The following GPR108 variants were observed in gnomAD, a reference collection of about 807,000 sequenced individuals.
GPR108 encodes the protein G protein-coupled receptor 108.
Under a neutral mutation model 74.3 loss-of-function variants are expected in GPR108, and 60 were observed. The ratio of observed to expected loss-of-function variants is 0.81; its 90% confidence interval spans 0.66 to 1.00. GPR108 has a LOEUF of 1.00. GPR108 is among the 50% of genes least tolerant of loss of function. GPR108 has a pLI of 0.00. For synonymous variants in GPR108, 311 were observed against 292.4 expected, an observed-to-expected ratio of 1.06 and a Z score of -0.65; for missense variants, 667 against 703.3, an observed-to-expected ratio of 0.95 and a Z score of 0.58.
rs1274606699 is a variant in GPR108, at chr19:6,731,620, G to C, written c.1301-98C>G. 3.8e-6 allele frequency: 4 copies of C among 1,056,536 alleles called. No homozygotes were observed. In the African/African-American group the frequency reaches 4.8e-5, roughly 13 times the overall value. The allele number at this position is 1,056,536 out of a possible 1,614,324, so 65.4% of individuals were successfully genotyped here. ...GAGAGGTGACAAACAGAACATCTGAGGGAGTGTCCAGGAGCAGCAAGTCTC... is the reference window on the plus strand; with the variant it reads ...GAGAGGTGACAAACAGAACATCTGACGGAGTGTCCAGGAGCAGCAAGTCTC... On this transcript the variant is annotated intron_variant, in intron 14 of 17. Transcript: ENST00000264080.
intron 4 of GPR108, 102 bp downstream of exon 4, chr19:6,735,516 TTCTC>T: frequency 1.0e-6 from 1 of 963,008 alleles, no homozygotes; most frequent in Middle Eastern, 2.2e-4. Flanking sequence ...GTAAGTGGCT[TTCTC>T]TCTCTGCTTC....
intron 7 of GPR108, 38 bp downstream of exon 7, chr19:6,733,807 G>T: frequency 6.2e-7 from 1 of 1,610,272 alleles, no homozygotes. Context: ...CCCGTGCTCT[G>T]GGGTGACGGA....
chr19:6,737,108 C>G (rs1022752661), intron 1 of GPR108: 2 of 383,898 alleles, frequency 5.2e-6, no homozygotes, highest in Non-Finnish European at 9.5e-6. Context: ...CACTCTATAG[C>G]CCCCCAGGAC....
Position 6,734,364 on chromosome 19 carries a change from C to T in GPR108, c.375-57G>A, listed in dbSNP as rs1000322717. On this transcript the variant is annotated intron_variant, in intron 4 of 17. Coordinates refer to ENST00000264080, the MANE Select transcript of GPR108 (RefSeq NM_001080452.2). Reference sequence around the variant, plus strand: ...GGGGGGCTGAACTTGGCTCAGGCACCGGCAAAGGACTCAGTGGCCCCTTGG... The same window carrying T: ...GGGGGGCTGAACTTGGCTCAGGCACTGGCAAAGGACTCAGTGGCCCCTTGG... 136 of 1,569,796 alleles carry T rather than the reference C, an allele frequency of 8.7e-5. 1 individual carries two copies. The highest frequency in any genetic ancestry group is 3.4e-4 in the Admixed American group (20 of 57,978).
intron 15 of GPR108, 51 bp from the exon 16 acceptor site, chr19:6,731,333 G>C (rs76081339): frequency 6.6e-7 from 1 of 1,514,526 alleles, no homozygotes; most frequent in Non-Finnish European, 8.9e-7. Context: ...GCACGGGCAG[G>C]CATGGGGCTA....
Position 6,731,782 on chromosome 19 carries a change from G to A in GPR108, c.1300+109C>T, listed in dbSNP as rs116648709. On this transcript the variant is annotated intron_variant, in intron 14 of 17. Coordinates refer to ENST00000264080, the MANE Select transcript of GPR108 (RefSeq NM_001080452.2). ...AGACTGGGGCATCCAGGGAGGCAGA[G>A]GCCTGGGGGCTGGGCAGAGAGGCCA... 2,346 of 1,295,622 alleles carry A rather than the reference G, an allele frequency of 1.8e-3. 26 individuals carry two copies. The African/African-American group carries it at 0.03, about 16-fold the overall frequency. 80.3% of individuals were successfully genotyped at this position (1,295,622 alleles called of 1,614,324 possible).
intron 4 of GPR108, 142 bp downstream of exon 4, chr19:6,735,480 A>C (rs1192126004): frequency 1.4e-6 from 1 of 706,696 alleles, no homozygotes. Context: ...TCCAACAATC[A>C]GAAGACTTGA....
At chr19:6,732,934 C>T in intron 10 of GPR108, 53 bp downstream of exon 10, 2 of 1,486,918 alleles carry the variant, frequency 1.3e-6, no homozygotes, top group Non-Finnish European at 1.8e-6. Context: ...GGGGGATGGC[C>T]CGGGTGGGCC....
In GPR108 at chr19:6,730,120, C is replaced by T; in HGVS notation, c.*192G>A. ...GGGAGGGGTGGTCCCGGGGTAAGGA[C>T]AGGGCTGCCCAATATTTGGGGGGAG... is the stretch of plus-strand genomic sequence containing the variant. On this transcript the variant is annotated 3_prime_UTR_variant, in exon 18 of 18. Coordinates refer to ENST00000264080, the MANE Select transcript of GPR108 (RefSeq NM_001080452.2). 1 of 614,184 alleles carries T rather than the reference C, an allele frequency of 1.6e-6. No individual in the cohort carries two copies. Among genetic ancestry groups the T allele is most frequent in the South Asian group, 1.9e-5 (1 of 52,790 alleles). 38.0% of individuals were successfully genotyped at this position (614,184 alleles called of 1,614,324 possible).
chr19:6,737,536 G>C lies in GPR108; in HGVS notation c.41C>G (p.Pro14Arg). Residue 14 changes from proline (P) to arginine (R), a missense_variant, in exon 1 of 18, where the codon CCC becomes CGC. Pro to Arg is a moderately radical substitution (Grantham distance 103, BLOSUM62 -2). Coordinates refer to ENST00000264080, the MANE Select transcript of GPR108 (RefSeq NM_001080452.2). Reference protein sequence around the residue: ...SERRGLGRGSPAEWGQRLLLV... With the variant: ...SERRGLGRGSRAEWGQRLLLV... ...AAGTAGCCGCTGCCCCCACTCCGCG[G>C]GGCTCCCGCGGCCGAGCCCCCTCCT... The C allele has an allele frequency of 6.4e-7, 1 of 1,554,100 alleles. No individual in the cohort carries two copies.
In GPR108 at chr19:6,732,146, T is replaced by C. The variant is rs1195059978; in HGVS notation, c.1135A>G (p.Asn379Asp). 1 of 1,612,486 alleles carries C rather than the reference T, an allele frequency of 6.2e-7. No homozygotes were observed. The highest frequency in any genetic ancestry group is 8.5e-7 in the Non-Finnish European group (1 of 1,179,190). ...GIVIPMQVLA[N>D]VAYIIIESRE... ...GACTCGATGATGATGTAGGCCACGT[T>C]GGCCAGGACCTGCGCAGGCGGCGGG... Residue 379 changes from asparagine (N) to aspartate (D), a missense_variant, in exon 13 of 18, where the codon AAC (asparagine) becomes GAC (aspartate). Coordinates refer to ENST00000264080, the MANE Select transcript of GPR108 (RefSeq NM_001080452.2).
chr19:6,733,548 T>C lies in GPR108; in HGVS notation c.723+22A>G, dbSNP rs367812697. The C allele has an allele frequency of 1.1e-5, 17 of 1,605,608 alleles. No individual in the cohort carries two copies. In the African/African-American group the frequency reaches 1.1e-4, roughly 10 times the overall value. ...GCCTGCAGGGGGCGCTCCCTGGCCC[T>C]GCTGCCCTCCACTCCGCTCACCGTG... On this transcript the variant is annotated intron_variant, in intron 8 of 17. Coordinates refer to ENST00000264080, the MANE Select transcript of GPR108 (RefSeq NM_001080452.2).
rs1293870118 is a variant in GPR108, at chr19:6,731,274, G to A, written c.1359C>T (p.Cys453=). 3 of 1,549,430 alleles carry A rather than the reference G, an allele frequency of 1.9e-6. No homozygotes were observed. The highest frequency in any genetic ancestry group is 1.9e-5 in the Admixed American group (1 of 53,392). Residue 453 remains cysteine (C), a synonymous_variant, in exon 16 of 18, where the codon TGC becomes TGT. Transcript: ENST00000264080. ...CGATGATGCGGGTGAAGTAGACGTA[G>A]CAGATGACCTGCAGGGGCGCGAGCA... ...LFRHYYVMVI[C]YVYFTRIIAI...
At chr19:6,736,973 G>A (rs576448650) in intron 1 of GPR108, 20 of 491,726 alleles carry the variant, frequency 4.1e-5, no homozygotes, top group Non-Finnish European at 7.4e-5. Context: ...AGCACCGCCC[G>A]GAGAACAGTT....
In GPR108 at chr19:6,733,580, A is replaced by G; in HGVS notation, c.713T>C (p.Phe238Ser). ...NNSVPGKEHP[F>S]DITVMIREKN... The stretch of plus-strand genomic sequence containing the variant: ...CTCCACTCCGCTCACCGTGATGTCG[A>G]ATGGATGCTCCTTTCCTGGCACTGA... Residue 238 changes from phenylalanine (F) to serine (S), a missense_variant, in exon 8 of 18, where the codon TTC becomes TCC. Physicochemically the swap from Phe to Ser is radical, Grantham distance 155. Coordinates refer to ENST00000264080, the MANE Select transcript of GPR108 (RefSeq NM_001080452.2). 3.1e-6 allele frequency: 5 copies of G among 1,614,112 alleles called. No homozygotes were observed. Among genetic ancestry groups the G allele is most frequent in the Non-Finnish European group, 4.2e-6 (5 of 1,179,934 alleles).
chr19:6,730,404 A>C lies in GPR108; in HGVS notation c.1560-20T>G, dbSNP rs780895455. 1.4e-5 allele frequency: 22 copies of C among 1,609,306 alleles called. No individual in the cohort carries two copies. The highest frequency in any genetic ancestry group is 1.8e-5 in the Non-Finnish European group (21 of 1,177,270). On this transcript the variant is annotated intron_variant, in intron 17 of 17. Transcript: ENST00000264080. The stretch of plus-strand genomic sequence containing the variant: ...GTCATTCTGGGGGCAGACAGCGAGG[A>C]GGCGTCTAGCGTTGCAGGGCAGCAG...
intron 3 of GPR108, 60 bp downstream of exon 3, chr19:6,735,848 G>C (rs1968613084): frequency 1.3e-6 from 2 of 1,569,326 alleles, no homozygotes; most frequent in Non-Finnish European, 1.7e-6. Context: ...AGATGCAGAG[G>C]ACAGACCCTA....
rs1432040065 is a variant in GPR108, at chr19:6,731,470, T to C, written c.1350+3A>G. On this transcript the variant is annotated splice_donor_region_variant and intron_variant, in intron 15 of 17. Transcript: ENST00000264080. Reference sequence around the variant, plus strand: ...ACCCGCTGTGAGTGAGGCGGGCTCCTACCATGACATAGTAATGCCGGAACA... The same window carrying C: ...ACCCGCTGTGAGTGAGGCGGGCTCCCACCATGACATAGTAATGCCGGAACA... 3 of 1,536,014 alleles carry C rather than the reference T, an allele frequency of 2.0e-6. No homozygotes were observed. Among genetic ancestry groups the C allele is most frequent in the East Asian group, 2.3e-5 (1 of 43,882 alleles).
rs11539591 is a variant in GPR108 at position 6,737,505 on chromosome 19, C to T, written c.72G>A (p.Val24=). Residue 24 remains valine, a synonymous_variant, in exon 1 of 18, where the codon GTG becomes GTA. Coordinates refer to ENST00000264080, the MANE Select transcript of GPR108 (RefSeq NM_001080452.2). ...GCCCGGAGCAGCCACCCAGCAGCAGCACCAGAAGTAGCCGCTGCCCCCACT... is the reference window on the plus strand; with the variant it reads ...GCCCGGAGCAGCCACCCAGCAGCAGTACCAGAAGTAGCCGCTGCCCCCACT... ...PAEWGQRLLL[V]LLLGGCSGRI... 256,091 of 1,581,346 alleles carry T rather than the reference C, an allele frequency of 0.16. 22,655 individuals carry two copies. Among genetic ancestry groups the T allele is most frequent in the Middle Eastern group, 0.24 (1,426 of 5,988 alleles).
Sources: gnomAD v4.1 joint callset for allele counts on GRCh38, gnomAD v4.1.1 for gene constraint, MANE v1.5 for transcripts, NCBI Gene and HGNC (gene_info 2026-07-23, HGNC 2026-07-21) for gene names.